The following TEX10 variants were observed in gnomAD, a reference collection of about 807,000 sequenced individuals.
TEX10 encodes testis-expressed protein 10.
Under a neutral mutation model 104.4 loss-of-function variants are expected in TEX10, and 24 were observed. The ratio of observed to expected loss-of-function variants is 0.23; its 90% CI spans 0.17 to 0.32. The LOEUF (loss-of-function observed/expected upper bound fraction) is 0.32. Ranked by LOEUF, TEX10 falls within the 10% of genes least tolerant of loss-of-function variation. The probability of loss-of-function intolerance (pLI) is 1.00; values close to 1 mark genes in which losing one functional copy is unlikely to be tolerated. For synonymous variants in TEX10, 396 were observed against 393.4 expected (o/e 1.01, Z -0.08); for missense variants, 921 against 1,083.9 (o/e 0.85, Z 2.11).
chr9:100,334,955 G>A (rs985139147), intron 5 of TEX10, among the ~76,000 whole-genome samples: 7 of 151,818 alleles, frequency 4.6e-5, no homozygotes, highest in East Asian at 2.0e-4. Flanking sequence ...GTGAGCCACC[G>A]CGCCTGGCCA....
chr9:100,352,527 A>T (rs1835482855), intron 1 of TEX10: 1 of 1,549,750 alleles, frequency 6.5e-7, no homozygotes, highest in South Asian at 1.2e-5. Context: ...ACTCTCTCGG[A>T]CCCGAAACCA....
chr9:100,302,714 C>T (rs534626628), intron 14 of TEX10, among the ~76,000 whole-genome samples: 2 of 152,268 alleles, frequency 1.3e-5, no homozygotes, highest in South Asian at 4.1e-4. Flanking sequence ...TGGGCTGATT[C>T]CCCAGTCTGG....
At chr9:100,324,426 G>T (rs1834652327) in intron 9 of TEX10, among the ~76,000 whole-genome samples, 1 of 152,070 alleles carries the variant, frequency 6.6e-6, no homozygotes, top group Non-Finnish European at 1.5e-5. Flanking sequence ...TTTTTAAAAA[G>T]GGACTACTTT....
chr9:100,305,128 G>A (rs1244483657), intron 13 of TEX10: 2 of 152,200 alleles, frequency 1.3e-5, no homozygotes, highest in Non-Finnish European at 2.9e-5. Context: ...GTGTTAATTA[G>A]ATGGTGCAAT....
At chr9:100,321,051 T>C (rs1834558197) in intron 10 of TEX10, among the ~76,000 whole-genome samples, 1 of 152,192 alleles carries the variant, frequency 6.6e-6, no homozygotes, top group African/African-American at 2.4e-5. Flanking sequence ...AGAGGCATCA[T>C]CTAGTTTGAT....
At chr9:100,346,555 G>T in intron 3 of TEX10, 139 bp downstream of exon 3, 1 of 1,035,970 alleles carries the variant, frequency 9.7e-7, no homozygotes. Context: ...CTTCCCATCA[G>T]TAAATAAAAT....
At chr9:100,349,461 A>T in intron 1 of TEX10, 89 bp from the exon 2 acceptor site, 2 of 717,712 alleles carry the variant, frequency 2.8e-6, no homozygotes, top group Non-Finnish European at 2.1e-6. Context: ...CTACTGTAAC[A>T]TTTATTTCAA....
chr9:100,334,086 C>T (rs1416756659), intron 5 of TEX10, among the ~76,000 whole-genome samples: 1 of 151,938 alleles, frequency 6.6e-6, no homozygotes, highest in East Asian at 1.9e-4. Flanking sequence ...GAGAAATTGG[C>T]AAATGTTTAA....
At chr9:100,350,355 A>G (rs140868061) in intron 1 of TEX10, among the ~76,000 whole-genome samples, 121 of 152,290 alleles carry the variant, frequency 7.9e-4, no homozygotes, top group Non-Finnish European at 1.3e-3. Flanking sequence ...CACAGATCTC[A>G]TGACCAAGAC....
In TEX10 at chr9:100,347,289, A is replaced by G. The variant is rs1261550676; in HGVS notation, c.298T>C (p.Leu100=). 6 of 1,614,176 alleles carry G rather than the reference A, an allele frequency of 3.7e-6. No homozygotes were observed. In the South Asian group the frequency reaches 4.4e-5, roughly 12 times the overall value. The change falls in exon 3 of 15, where the codon TTA becomes CTA. Residue 100 remains leucine, a synonymous_variant. Transcript: ENST00000374902. ...FIIDAHLSNI[L]SEVTAVFTDK... is the part of the protein sequence containing the mutation. ...GTAAACACAGCAGTCACTTCACTTA[A>G]TATGTTTGAAAGGTGTGCATCAATT...
At chr9:100,345,646 C>T (rs755789288) in intron 4 of TEX10, among the ~76,000 whole-genome samples, 1 of 152,196 alleles carries the variant, frequency 6.6e-6, no homozygotes, top group Non-Finnish European at 1.5e-5. Flanking sequence ...CAAGTCTGAT[C>T]ATGAGCTCTT....
chr9:100,319,009 T>C (rs1052266042), intron 11 of TEX10, among the ~76,000 whole-genome samples: 5 of 152,060 alleles, frequency 3.3e-5, no homozygotes, highest in Non-Finnish European at 5.9e-5. Flanking sequence ...CTGACCAACA[T>C]GGCAAAACCA....
In TEX10 at chr9:100,328,245, T is replaced by C. The variant is rs117431210; in HGVS notation, c.1626-283A>G. Among the ~76,000 whole-genome samples the C allele has an allele frequency of 4.6e-5, 7 of 152,362 alleles. No homozygotes were observed. The East Asian group carries it at 1.3e-3, about 29-fold the overall frequency. ...CTATTTATCCTAATCGGTGTTATTATACTATATTAACAAATGTACACATTC... is the reference window on the plus strand; with the variant it reads ...CTATTTATCCTAATCGGTGTTATTACACTATATTAACAAATGTACACATTC... On this transcript the variant is annotated intron_variant, in intron 7 of 14. Transcript: ENST00000374902.
chr9:100,323,085 AAACT>A lies in TEX10; in HGVS notation c.1980-1318_1980-1315del, dbSNP rs548852892. Among the ~76,000 whole-genome samples the A allele has an allele frequency of 8.5e-5, 13 of 152,344 alleles. 1 individual carries two copies. In the South Asian group the frequency reaches 2.3e-3, roughly 27 times the overall value. ...AAGTACAAAATAGTGGTTGAAAAAC[AAACT>A]ATTATCTTCTTGACCTCAATGAAAA... On this transcript the variant is annotated intron_variant, in intron 9 of 14. Transcript: ENST00000374902.
At chr9:100,350,066 T>C (rs1835403981) in intron 1 of TEX10, among the ~76,000 whole-genome samples, 1 of 152,160 alleles carries the variant, frequency 6.6e-6, no homozygotes, top group South Asian at 2.1e-4. Flanking sequence ...TATAATGTAA[T>C]AGGGGGATAA....
intron 4 of TEX10, among the ~76,000 whole-genome samples, chr9:100,343,036 A>T (rs1213333527): frequency 2.0e-5 from 3 of 151,532 alleles, no homozygotes; most frequent in African/African-American, 7.3e-5. Flanking sequence ...GTAGTCCCAG[A>T]TACTTGGGAG....
In TEX10 at chr9:100,330,132, G is replaced by A; in HGVS notation, c.1288C>T (p.His430Tyr). ...HCTVLSNNID[H>Y]LLLNLTLSDI... is the part of the protein sequence containing the mutation. ...GACAGTGTTAAATTCAGTAAGAGAT[G>A]ATCTATGTTATTGGAGAGAACTGTG... The change falls in exon 6 of 15, where the codon CAT becomes TAT. Residue 430 changes from histidine (H) to tyrosine (Y), a missense_variant. Physicochemically the swap from His to Tyr is moderately conservative, Grantham distance 83 (BLOSUM62 2). Coordinates refer to ENST00000374902, the MANE Select transcript of TEX10 (RefSeq NM_017746.4). 2 of 1,613,732 alleles carry A rather than the reference G, an allele frequency of 1.2e-6. No homozygotes were observed. Among genetic ancestry groups the A allele is most frequent in the Non-Finnish European group, 1.7e-6 (2 of 1,179,834 alleles).
At chr9:100,332,415 T>C (rs1292158368) in intron 5 of TEX10, among the ~76,000 whole-genome samples, 1 of 152,166 alleles carries the variant, frequency 6.6e-6, no homozygotes, top group Admixed American at 6.5e-5. Flanking sequence ...GCTCCTCCAA[T>C]AACATATACA....
intron 5 of TEX10, among the ~76,000 whole-genome samples, chr9:100,332,555 C>T (rs907967600): frequency 1.3e-5 from 2 of 152,212 alleles, no homozygotes; most frequent in African/African-American, 4.8e-5. Context: ...GGCGCAGTGG[C>T]TCACGCCTGT....
Sources: gnomAD v4.1 joint callset for allele counts (sites outside exome capture counted in the v4.1 genomes callset) on GRCh38, gnomAD v4.1.1 for gene constraint, MANE v1.5 for transcripts, NCBI Gene and HGNC (gene_info 2026-07-23, HGNC 2026-07-21) for gene names.